PTPRO: variants seen among roughly 807,000 people sequenced by gnomAD.
PTPRO encodes the protein protein tyrosine phosphatase receptor type O.
PTPRO carries 62 observed loss-of-function variants against 145.2 expected under a neutral mutation model. The observed-to-expected ratio is 0.43, with a 90% CI of 0.35 to 0.53. PTPRO has a LOEUF of 0.53. Among genes scored for constraint, PTPRO ranks in the 20% least tolerant of loss-of-function variants. The pLI is 0.01. For missense variants in PTPRO, 1,345 were observed against 1,482.7 expected (o/e 0.91, Z 1.53); for synonymous variants, 565 against 514.7 (o/e 1.10, Z -1.32).
chr12:15,524,557 A>C (rs760696827), intron 10 of PTPRO, among the ~76,000 whole-genome samples: 2 of 152,168 alleles, frequency 1.3e-5, no homozygotes, highest in Non-Finnish European at 2.9e-5. Context: ...TATCCAAAAG[A>C]CTTTGATATC....
rs993713286 is a variant in PTPRO at position 15,479,948 on chromosome 12, G to A, written c.76-4026G>A. Among the ~76,000 whole-genome samples, 6 of 152,308 alleles carry A rather than the reference G, an allele frequency of 3.9e-5. No individual in the cohort carries two copies. The East Asian group carries it at 9.6e-4, about 24-fold the overall frequency. ...GTCTTCCCTCAGTCTTGGTGTGCAG[G>A]CGGCACACTACTTGAGCCCTAGATA... On this transcript the variant is annotated intron_variant, in intron 1 of 26. Coordinates refer to ENST00000281171, the MANE Select transcript of PTPRO (RefSeq NM_030667.3).
At chr12:15,385,330 C>T (rs906584780) in intron 1 of PTPRO, among the ~76,000 whole-genome samples, 3 of 152,108 alleles carry the variant, frequency 2.0e-5, no homozygotes, top group African/African-American at 4.8e-5. Context: ...GTTGATGCTT[C>T]CTCACAACTT....
chr12:15,338,412 T>C (rs1866843858), intron 1 of PTPRO, among the ~76,000 whole-genome samples: 1 of 152,074 alleles, frequency 6.6e-6, no homozygotes, highest in Middle Eastern at 3.2e-3. Flanking sequence ...CGAAGCAAAT[T>C]TGAAGCACCT....
chr12:15,352,403 T>C (rs187503012), intron 1 of PTPRO, among the ~76,000 whole-genome samples: 2 of 152,076 alleles, frequency 1.3e-5, no homozygotes, highest in East Asian at 1.9e-4. Context: ...GTAACCCCAG[T>C]ACTTTGGGAG....
chr12:15,409,925 A>G (rs930070710), intron 1 of PTPRO, among the ~76,000 whole-genome samples: 1 of 152,186 alleles, frequency 6.6e-6, no homozygotes, highest in Non-Finnish European at 1.5e-5. Context: ...GGGATATATG[A>G]TTTGGATGGG....
intron 12 of PTPRO, among the ~76,000 whole-genome samples, chr12:15,530,417 G>A (rs1942937155): frequency 6.6e-6 from 1 of 152,086 alleles, no homozygotes; most frequent in Non-Finnish European, 1.5e-5. Flanking sequence ...CAACTGCTAT[G>A]GAATACACAT....
chr12:15,578,973 C>A lies in PTPRO; in HGVS notation c.2920+30C>A, dbSNP rs375344419. The A allele has an allele frequency of 6.6e-6, 10 of 1,507,122 alleles. No homozygotes were observed. In the African/African-American group the frequency reaches 1.4e-4, roughly 21 times the overall value. The allele number at this position is 1,507,122 out of a possible 1,614,324, so 93.4% of individuals were successfully genotyped here. A position where few individuals can be genotyped will look rare whatever the true frequency, so the allele number is the denominator to read the frequency against. ...GATCGTCAATTGTGCCAATAACACTCATGTCTTAAGGGTTGAAGGACTGTC... is the reference window on the plus strand; with the variant it reads ...GATCGTCAATTGTGCCAATAACACTAATGTCTTAAGGGTTGAAGGACTGTC... On this transcript the variant is annotated intron_variant, in intron 20 of 26. Transcript: ENST00000281171.
At chr12:15,394,774 C>T (rs541610943) in intron 1 of PTPRO, among the ~76,000 whole-genome samples, 1 of 152,254 alleles carries the variant, frequency 6.6e-6, no homozygotes, top group Non-Finnish European at 1.5e-5. Flanking sequence ...TAAGGTTCTT[C>T]CGTCTATAGA....
At chr12:15,368,669 T>C (rs960570934) in intron 1 of PTPRO, among the ~76,000 whole-genome samples, 10 of 152,362 alleles carry the variant, frequency 6.6e-5, no homozygotes, top group African/African-American at 2.2e-4. Flanking sequence ...GCTCTGGATT[T>C]ATCCTCTAGA....
chr12:15,400,760 A>G (rs1188451010), intron 1 of PTPRO, among the ~76,000 whole-genome samples: 1 of 152,240 alleles, frequency 6.6e-6, no homozygotes, highest in Non-Finnish European at 1.5e-5. Context: ...AAATATAGCC[A>G]TGAACAAAAT....
chr12:15,402,613 C>T (rs966646747), intron 1 of PTPRO, among the ~76,000 whole-genome samples: 4 of 152,002 alleles, frequency 2.6e-5, no homozygotes, highest in Admixed American at 2.0e-4. Flanking sequence ...AATTGTTAAA[C>T]GTTATGTTTC....
At chr12:15,356,476 G>T (rs965315570) in intron 1 of PTPRO, among the ~76,000 whole-genome samples, 51 of 152,080 alleles carry the variant, frequency 3.4e-4, no homozygotes, top group African/African-American at 1.2e-3. Context: ...GCCTATAAAT[G>T]GAGGGGTGGG....
At chr12:15,480,113 A>G (rs1485185055) in intron 1 of PTPRO, among the ~76,000 whole-genome samples, 3 of 152,138 alleles carry the variant, frequency 2.0e-5, no homozygotes, top group Admixed American at 6.5e-5. Context: ...AATAACACAG[A>G]ACTATGTTCA....
At chr12:15,401,586 A>C (rs1406145646) in intron 1 of PTPRO, among the ~76,000 whole-genome samples, 1 of 152,354 alleles carries the variant, frequency 6.6e-6, no homozygotes. Flanking sequence ...ACCAAGAATG[A>C]CAAATTTGCT....
intron 1 of PTPRO, among the ~76,000 whole-genome samples, chr12:15,355,999 G>A (rs1937974708): frequency 6.6e-6 from 1 of 152,152 alleles, no homozygotes; most frequent in South Asian, 2.1e-4. Flanking sequence ...AATGACAGGC[G>A]TAAGTTGTGA....
chr12:15,408,158 G>A (rs1939698510), intron 1 of PTPRO, among the ~76,000 whole-genome samples: 2 of 151,632 alleles, frequency 1.3e-5, no homozygotes, highest in South Asian at 2.1e-4. Context: ...TGTGGGGGTG[G>A]GTGATTTTTA....
At chr12:15,402,788 G>T (rs1939536999) in intron 1 of PTPRO, among the ~76,000 whole-genome samples, 1 of 152,112 alleles carries the variant, frequency 6.6e-6, no homozygotes, top group African/African-American at 2.4e-5. Context: ...AGAATAATAA[G>T]AGAATAGTGG....
At chr12:15,387,362 G>A (rs559743002) in intron 1 of PTPRO, among the ~76,000 whole-genome samples, 56 of 139,958 alleles carry the variant, frequency 4.0e-4, no homozygotes, top group Middle Eastern at 3.5e-3. Context: ...TTAAAAGCCC[G>A]GGGTTGGGGA....
intron 2 of PTPRO, among the ~76,000 whole-genome samples, chr12:15,488,901 C>T (rs1941944474): frequency 6.6e-6 from 1 of 152,052 alleles, no homozygotes; most frequent in Non-Finnish European, 1.5e-5. Context: ...TAAAAGGATG[C>T]CTGGAATCAG....
Sources: allele counts gnomAD v4.1 joint callset (sites outside exome capture counted in the v4.1 genomes callset), GRCh38; gene constraint gnomAD v4.1.1; transcripts MANE v1.5; gene names NCBI Gene and HGNC (gene_info 2026-07-23, HGNC 2026-07-21).